Variants in FLRT1 observed in about 807,000 individuals in gnomAD.
FLRT1 encodes leucine-rich repeat transmembrane protein FLRT1.
FLRT1 carries 14 observed loss-of-function variants against 30.9 expected under a neutral mutation model. That is an observed-to-expected ratio of 0.45 (90% CI 0.30 to 0.71). The LOEUF (loss-of-function observed/expected upper bound fraction) is 0.71, where lower values mean the gene tolerates loss of function less well. Among genes scored for constraint, FLRT1 ranks in the 30% least tolerant of loss-of-function variants. The pLI is 0.08. For missense variants in FLRT1, 737 were observed against 949.2 expected, an observed-to-expected ratio of 0.78 and a Z score of 2.94; for synonymous variants, 368 against 430.4, an observed-to-expected ratio of 0.85 and a Z score of 1.80.
chr11:64,092,630 G>C (rs1015297331), intron 1 of FLRT1, among the ~76,000 whole-genome samples: 2 of 152,234 alleles, frequency 1.3e-5, no homozygotes, highest in Admixed American at 1.3e-4. Flanking sequence ...CTTGCTGCAG[G>C]CACGTGTGCC....
chr11:64,113,952 A>G (rs1451420126), intron 2 of FLRT1, among the ~76,000 whole-genome samples: 4 of 148,412 alleles, frequency 2.7e-5, no homozygotes, highest in African/African-American at 1.0e-4. Flanking sequence ...GGATGGATGG[A>G]TGGATGGATG....
rs1291783315 is a variant in FLRT1, at chr11:64,036,445, G to C, written c.-1038+286G>C. Among the ~76,000 whole-genome samples the C allele has an allele frequency of 2.6e-5, 4 of 152,192 alleles. No homozygotes were observed. The highest frequency in any genetic ancestry group is 6.5e-5 in the Admixed American group (1 of 15,292). ...GCTCTCCCGAGCCGAGGCTGGAAAG[G>C]GCGGGGGCTCAGCTGGAGCTCTAGT... On this transcript the variant is annotated intron_variant, in intron 1 of 2. Transcript: ENST00000682287. The surrounding 1 kb of genome is among the most constrained non-coding windows in gnomAD (Gnocchi z 5.6).
chr11:64,038,850 C>A (rs577483899), intron 1 of FLRT1, among the ~76,000 whole-genome samples: 1 of 152,318 alleles, frequency 6.6e-6, no homozygotes, highest in South Asian at 2.1e-4. Flanking sequence ...GGTTTCTCTA[C>A]CTGGCCTGCT....
At chr11:64,042,667 C>T (rs1026520473) in intron 1 of FLRT1, among the ~76,000 whole-genome samples, 1 of 152,150 alleles carries the variant, frequency 6.6e-6, no homozygotes, top group South Asian at 2.1e-4. Flanking sequence ...GTCTACCGGT[C>T]CCAGGGAGAT....
intron 1 of FLRT1, among the ~76,000 whole-genome samples, chr11:64,043,478 G>A (rs1345326486): frequency 6.6e-6 from 1 of 152,150 alleles, no homozygotes; most frequent in Admixed American, 6.5e-5. Flanking sequence ...GTTGAGGTGT[G>A]GGTGACTCCT....
intron 1 of FLRT1, among the ~76,000 whole-genome samples, chr11:64,072,515 C>T (rs1944129137): frequency 6.6e-6 from 1 of 152,182 alleles, no homozygotes; most frequent in African/African-American, 2.4e-5. Flanking sequence ...ATAAACCAGG[C>T]ACCCGTGAAC....
intron 1 of FLRT1, among the ~76,000 whole-genome samples, chr11:64,057,602 G>C (rs1039539939): frequency 2.0e-5 from 3 of 152,088 alleles, no homozygotes; most frequent in Admixed American, 6.5e-5. Flanking sequence ...CACTGCCCGA[G>C]CAGGACCTAC....
chr11:64,042,090 G>A (rs765477446), intron 1 of FLRT1, among the ~76,000 whole-genome samples: 1 of 152,212 alleles, frequency 6.6e-6, no homozygotes, highest in Non-Finnish European at 1.5e-5. Flanking sequence ...GAAGGTGGCG[G>A]TGGCCCAGTC....
In FLRT1 at chr11:64,064,772, G is replaced by A. The variant is rs138464900; in HGVS notation, c.-1038+28613G>A. 1.3e-5 allele frequency among the ~76,000 whole-genome samples: 2 copies of A among 151,886 alleles called. No individual in the cohort carries two copies. The highest frequency in any genetic ancestry group is 2.1e-4 in the South Asian group (1 of 4,792). On this transcript the variant is annotated intron_variant, in intron 1 of 2. Coordinates refer to ENST00000682287, the MANE Select transcript of FLRT1 (RefSeq NM_013280.5). The surrounding 1 kb of genome is among the most constrained non-coding windows in gnomAD (Gnocchi z 4.5). ...GGCCTGGACCCACCATCCAGCAAAG[G>A]CTGACAGAACAGAGGCTGCCAACTA...
rs370841664 is a variant in FLRT1, at chr11:64,115,324, C to T, written c.-49-895C>T. ...GCAGCCAATTCCCTCAGAGTACAGA[C>T]GTGACTCCTCCCTCCTTTTATTTGT... is the stretch of plus-strand genomic sequence containing the variant. On this transcript the variant is annotated intron_variant, in intron 2 of 2. Transcript: ENST00000682287. Among the ~76,000 whole-genome samples, 73 of 152,134 alleles carry T rather than the reference C, an allele frequency of 4.8e-4. No homozygotes were observed. The South Asian group carries it at 9.3e-3, about 19-fold the overall frequency.
At chr11:64,104,553 C>T (rs893630692) in intron 2 of FLRT1, among the ~76,000 whole-genome samples, 6 of 152,048 alleles carry the variant, frequency 3.9e-5, no homozygotes, top group African/African-American at 9.7e-5. Context: ...GAGGCCTTGG[C>T]GGGGTGGTGG....
chr11:64,092,836 G>A (rs1037478755), intron 1 of FLRT1, among the ~76,000 whole-genome samples: 2 of 152,248 alleles, frequency 1.3e-5, no homozygotes, highest in Admixed American at 1.3e-4. Context: ...ACGCTGGGAG[G>A]TTAACACGTG....
At chr11:64,091,068 TGAG>T (rs572894834) in intron 1 of FLRT1, among the ~76,000 whole-genome samples, 2 of 118,318 alleles carry the variant, frequency 1.7e-5, no homozygotes, top group African/African-American at 6.5e-5. Flanking sequence ...GAAGAGAAGA[TGAG>T]GAGGGACATG....
chr11:64,073,224 G>A (rs1408847052), intron 1 of FLRT1, among the ~76,000 whole-genome samples: 1 of 152,212 alleles, frequency 6.6e-6, no homozygotes, highest in Non-Finnish European at 1.5e-5. Context: ...CCGGCCATCG[G>A]TTTCTTCAGA....
At chr11:64,065,602 A>G (rs1340363707) in intron 1 of FLRT1, among the ~76,000 whole-genome samples, 1 of 146,576 alleles carries the variant, frequency 6.8e-6, no homozygotes, top group East Asian at 1.9e-4. Context: ...ATCCTGGCTA[A>G]CACGGTGAAA....
chr11:64,079,125 C>T (rs918968637), intron 1 of FLRT1, among the ~76,000 whole-genome samples: 5 of 136,946 alleles, frequency 3.7e-5, no homozygotes, highest in Non-Finnish European at 6.3e-5. Flanking sequence ...GGGCGGTGGA[C>T]GGGAGGGAGG....
At chr11:64,057,862 G>A (rs1461855812) in intron 1 of FLRT1, among the ~76,000 whole-genome samples, 3 of 152,222 alleles carry the variant, frequency 2.0e-5, no homozygotes, top group African/African-American at 4.8e-5. Context: ...TGTGGAAACC[G>A]AGGCACGAAT....
chr11:64,038,033 C>A (rs996477103), intron 1 of FLRT1, among the ~76,000 whole-genome samples: 16 of 152,200 alleles, frequency 1.1e-4, no homozygotes, highest in Non-Finnish European at 8.8e-5. Context: ...TTTCCCACCA[C>A]CAGCCAGTGT....
chr11:64,037,667 C>T (rs1031056034), intron 1 of FLRT1, among the ~76,000 whole-genome samples: 4 of 152,004 alleles, frequency 2.6e-5, no homozygotes, highest in African/African-American at 9.7e-5. Context: ...GTGTGCGCAC[C>T]CAGTCCCATG....
Sources: gnomAD v4.1 joint callset for allele counts (sites outside exome capture counted in the v4.1 genomes callset) on GRCh38, gnomAD v4.1.1 for gene constraint, Gnocchi (gnomAD v3.1) non-coding constraint, MANE v1.5 for transcripts, NCBI Gene and HGNC (gene_info 2026-07-23, HGNC 2026-07-21) for gene names.